EYS: variants seen among roughly 807,000 people sequenced by gnomAD.
EYS encodes the protein protein eyes shut homolog.
Under a neutral mutation model 282.1 loss-of-function variants are expected in EYS, and 250 were observed. The observed-to-expected ratio is 0.89, with a 90% CI of 0.80 to 0.98. The LOEUF (loss-of-function observed/expected upper bound fraction) is 0.98. EYS is among the 50% of genes least tolerant of loss of function. The pLI is 0.00. For synonymous variants in EYS, 1,355 were observed against 1,282.9 expected (o/e 1.06, Z -1.20); for missense variants, 4,016 against 3,709.0 (o/e 1.08, Z -2.15).
At chr6:64,427,728 CATGA>C (rs1375603938) in intron 28 of EYS, among the ~76,000 whole-genome samples, 1 of 152,068 alleles carries the variant, frequency 6.6e-6, no homozygotes, top group Non-Finnish European at 1.5e-5. Context: ...TGAGAAAGCA[CATGA>C]AAGCAACCAT....
rs1490821671 is a variant in EYS, at chr6:64,163,147, G to A, written c.6424+67445C>T. Among the ~76,000 whole-genome samples, 3 of 151,932 alleles carry A rather than the reference G, an allele frequency of 2.0e-5. No homozygotes were observed. In the East Asian group the frequency reaches 5.8e-4, roughly 29 times the overall value. On this transcript the variant is annotated intron_variant, in intron 31 of 42. Transcript: ENST00000503581. ...TGGGGAGAAACAATTGTTTTAACAGGTAAAAAAGCCTATTAGCCTATAAAT... is the reference window on the plus strand; with the variant it reads ...TGGGGAGAAACAATTGTTTTAACAGATAAAAAAGCCTATTAGCCTATAAAT...
intron 2 of EYS, among the ~76,000 whole-genome samples, chr6:65,500,432 C>A (rs1475162070): frequency 6.6e-6 from 1 of 151,892 alleles, no homozygotes; most frequent in Non-Finnish European, 1.5e-5. Flanking sequence ...TTCTATATTT[C>A]ATTATCATAA....
At chr6:65,532,396 A>G (rs1767806036) in intron 2 of EYS, among the ~76,000 whole-genome samples, 1 of 152,130 alleles carries the variant, frequency 6.6e-6, no homozygotes, top group Admixed American at 6.6e-5. Flanking sequence ...TGATGTTAGA[A>G]TACTTGTTTT....
At chr6:65,508,387 T>C (rs1178120587) in intron 2 of EYS, among the ~76,000 whole-genome samples, 1 of 152,022 alleles carries the variant, frequency 6.6e-6, no homozygotes, top group African/African-American at 2.4e-5. Context: ...AAGAAATGTT[T>C]CTTCTGCCAG....
chr6:65,215,854 A>G (rs1195728795), intron 12 of EYS, among the ~76,000 whole-genome samples: 1 of 152,224 alleles, frequency 6.6e-6, no homozygotes, highest in East Asian at 1.9e-4. Flanking sequence ...GAAGGTTCAG[A>G]TGATTGTTAG....
chr6:64,283,696 A>T (rs778944222), intron 30 of EYS, among the ~76,000 whole-genome samples: 1 of 152,140 alleles, frequency 6.6e-6, no homozygotes, highest in Non-Finnish European at 1.5e-5. Context: ...ATAAAGACAT[A>T]TCTGAGACTG....
chr6:64,472,942 C>A (rs1307964422), intron 26 of EYS, among the ~76,000 whole-genome samples: 1 of 152,084 alleles, frequency 6.6e-6, no homozygotes, highest in Non-Finnish European at 1.5e-5. Flanking sequence ...CTTTTACAAA[C>A]TAAAGTGAGT....
In EYS at chr6:65,509,344, T is replaced by A. The variant is rs552383301; in HGVS notation, c.-332-13351A>T. 2.0e-5 allele frequency among the ~76,000 whole-genome samples: 3 copies of A among 152,312 alleles called. No individual in the cohort carries two copies. The South Asian group carries it at 6.2e-4, about 32-fold the overall frequency. On this transcript the variant is annotated intron_variant, in intron 2 of 42. Coordinates refer to ENST00000503581, the MANE Select transcript of EYS (RefSeq NM_001142800.2). ...ATCATAAATGGTTTATATTACACAT[T>A]CCCATCAGCAGTTTTTGAGGGTTCC...
Position 65,479,240 on chromosome 6 carries a change from A to G in EYS, c.862+11354T>C, listed in dbSNP as rs570089807. 2.1e-3 allele frequency among the ~76,000 whole-genome samples: 313 copies of G among 152,324 alleles called. 2 individuals are homozygous for G. The highest frequency in any genetic ancestry group is 7.3e-3 in the African/African-American group (302 of 41,578). ...GTAACTGTAGAAGGAAAGGAAGGAG[A>G]CATTTTGGCAAATAACTCCTTGGCA... On this transcript the variant is annotated intron_variant, in intron 5 of 42. Coordinates refer to ENST00000503581, the MANE Select transcript of EYS (RefSeq NM_001142800.2).
chr6:64,584,845 T>C (rs1242462963), intron 26 of EYS, among the ~76,000 whole-genome samples: 2 of 152,126 alleles, frequency 1.3e-5, no homozygotes, highest in African/African-American at 4.8e-5. Context: ...TTACTTTTAG[T>C]TAATGTACTA....
At chr6:65,073,535 T>C (rs1773958965) in intron 12 of EYS, among the ~76,000 whole-genome samples, 2 of 151,828 alleles carry the variant, frequency 1.3e-5, no homozygotes, top group Non-Finnish European at 2.9e-5. Flanking sequence ...AAGTGTATTG[T>C]ATATAATGCC....
At chr6:65,168,341 C>A (rs927607201) in intron 12 of EYS, among the ~76,000 whole-genome samples, 1 of 151,220 alleles carries the variant, frequency 6.6e-6, no homozygotes, top group East Asian at 2.0e-4. Flanking sequence ...CGATTTAGGG[C>A]TGCCATAACA....
chr6:64,705,050 G>A (rs576131524), intron 22 of EYS, among the ~76,000 whole-genome samples: 2 of 152,178 alleles, frequency 1.3e-5, no homozygotes, highest in South Asian at 4.1e-4. Context: ...GTTTGCTGAT[G>A]ATATGATCAA....
intron 2 of EYS, among the ~76,000 whole-genome samples, chr6:65,617,175 ATAAC>A (rs1478872699): frequency 6.6e-6 from 1 of 152,130 alleles, no homozygotes; most frequent in Non-Finnish European, 1.5e-5. Context: ...AAACCTATGT[ATAAC>A]TAAGAAATGT....
chr6:65,427,440 A>G (rs1767703855), intron 5 of EYS, among the ~76,000 whole-genome samples: 1 of 152,016 alleles, frequency 6.6e-6, no homozygotes, highest in Admixed American at 6.6e-5. Context: ...TTCATAGTTA[A>G]TATGTATTTT....
At chr6:65,652,125 G>A (rs1035903596) in intron 1 of EYS, among the ~76,000 whole-genome samples, 2 of 151,986 alleles carry the variant, frequency 1.3e-5, no homozygotes, top group Non-Finnish European at 1.5e-5. Flanking sequence ...CTAGAGGGAA[G>A]CTGGAATGGC....
At chr6:63,811,508 T>C (rs1475969123) in intron 36 of EYS, among the ~76,000 whole-genome samples, 1 of 152,200 alleles carries the variant, frequency 6.6e-6, no homozygotes, top group Non-Finnish European at 1.5e-5. Flanking sequence ...CTGCTGCTCC[T>C]CATTCTCCTT....
At chr6:65,402,709 G>T in intron 6 of EYS, 104 bp from the exon 7 acceptor site, 2 of 756,372 alleles carry the variant, frequency 2.6e-6, no homozygotes, top group South Asian at 1.8e-5. Context: ...TCATGAACTT[G>T]GAGTAGAAAT....
At chr6:64,007,325 G>A (rs899736523) in intron 33 of EYS, among the ~76,000 whole-genome samples, 4 of 150,794 alleles carry the variant, frequency 2.7e-5, no homozygotes, top group African/African-American at 9.7e-5. Flanking sequence ...GTTTTTCTGT[G>A]GGGTTGGTGG....
Sources: gnomAD v4.1 joint callset for allele counts (sites outside exome capture counted in the v4.1 genomes callset) on GRCh38, gnomAD v4.1.1 for gene constraint, MANE v1.5 for transcripts, NCBI Gene and HGNC (gene_info 2026-07-23, HGNC 2026-07-21) for gene names.